The following CLEC2A variants were observed in gnomAD, a reference collection of about 807,000 sequenced individuals.
The protein encoded by CLEC2A is keratinocyte-associated C-type lectin.
Under a neutral mutation model 18.6 loss-of-function variants are expected in CLEC2A, and 19 were observed. That is an observed-to-expected ratio of 1.02 (90% CI 0.71 to 1.50). CLEC2A has a LOEUF of 1.50. CLEC2A is among the 40% of genes most tolerant of loss of function. The pLI is 0.00. For missense variants in CLEC2A, 190 were observed against 207.9 expected, an observed-to-expected ratio of 0.91 and a Z score of 0.53; for synonymous variants, 74 against 64.0, an observed-to-expected ratio of 1.16 and a Z score of -0.75.
In CLEC2A at chr12:9,903,870, G is replaced by T. The variant is rs775808847; in HGVS notation, c.411-4894C>A. Among the ~76,000 whole-genome samples the T allele has an allele frequency of 3.0e-4, 46 of 152,130 alleles. 1 individual carries two copies. Among genetic ancestry groups the T allele is most frequent in the Admixed American group, 3.3e-4 (5 of 15,280 alleles). On this transcript the variant is annotated intron_variant, in intron 4 of 4. Coordinates refer to the CLEC2A transcript ENST00000339766. ...TCCAATGGCATCTATATAAACATGA[G>T]GGTCAAAGGACCCATGAGGGACATC...
chr12:9,891,713 C>G, the CLEC2A span, among the ~76,000 whole-genome samples: 7 of 151,948 alleles, frequency 4.6e-5, no homozygotes, highest in Non-Finnish European at 8.8e-5. Flanking sequence ...CCACTCTTGC[C>G]CGGATACAGC....
At chr12:9,931,503 A>T (rs1863374853) in intron 1 of CLEC2A, among the ~76,000 whole-genome samples, 1 of 152,302 alleles carries the variant, frequency 6.6e-6, no homozygotes, top group South Asian at 2.1e-4. Context: ...TGTAGCTAGA[A>T]ATCGTATGGT....
the CLEC2A span, among the ~76,000 whole-genome samples, chr12:9,882,401 G>A: frequency 6.6e-6 from 1 of 152,062 alleles, no homozygotes; most frequent in Non-Finnish European, 1.5e-5. Context: ...TCTTTTTTGT[G>A]TTTCAATATC....
chr12:9,911,209 G>A (rs528764824), downstream of CLEC2A, among the ~76,000 whole-genome samples: 2 of 152,252 alleles, frequency 1.3e-5, no homozygotes, highest in African/African-American at 4.8e-5. Context: ...GGCCACCTGT[G>A]GAGAATAAGG....
At chr12:9,923,258 A>G (rs1299847589) in intron 2 of CLEC2A, among the ~76,000 whole-genome samples, 1 of 152,220 alleles carries the variant, frequency 6.6e-6, no homozygotes, top group African/African-American at 2.4e-5. Flanking sequence ...CCCATCAAAA[A>G]GTGGGTGAAG....
At chr12:9,893,014 CT>C in the CLEC2A span, 1 of 1,532,692 alleles carries the variant, frequency 6.5e-7, no homozygotes, top group Non-Finnish European at 8.7e-7. Flanking sequence ...CTATGTTTTC[CT>C]TTAGGACACA....
chr12:9,882,131 A>G, the CLEC2A span, among the ~76,000 whole-genome samples: 3 of 152,290 alleles, frequency 2.0e-5, no homozygotes, highest in Admixed American at 1.3e-4. Flanking sequence ...AAAAACATTA[A>G]TCTTTGCTCC....
chr12:9,925,389 T>A (rs1482634392), intron 2 of CLEC2A, among the ~76,000 whole-genome samples: 1 of 152,218 alleles, frequency 6.6e-6, no homozygotes, highest in Non-Finnish European at 1.5e-5. Flanking sequence ...TCAAGCTGCA[T>A]GGTTTTTAAA....
intron 3 of CLEC2A, among the ~76,000 whole-genome samples, chr12:9,919,367 G>T (rs1171130244): frequency 6.6e-6 from 1 of 152,204 alleles, no homozygotes; most frequent in Non-Finnish European, 1.5e-5. Context: ...CAAGCTGGAG[G>T]TTCCATGTCT....
downstream of CLEC2A, chr12:9,895,959 AG>A: frequency 1.2e-5 from 11 of 880,016 alleles, no homozygotes; most frequent in Non-Finnish European, 1.6e-5. Context: ...ATAGGAGAAA[AG>A]TATTTTATCC....
chr12:9,925,990 C>T (rs1863265305), intron 2 of CLEC2A, among the ~76,000 whole-genome samples: 1 of 152,186 alleles, frequency 6.6e-6, no homozygotes, highest in South Asian at 2.1e-4. Flanking sequence ...TTGCTGTTGC[C>T]ATCTGGTGGT....
the CLEC2A span, among the ~76,000 whole-genome samples, chr12:9,882,828 T>C: frequency 2.0e-5 from 3 of 152,220 alleles, no homozygotes; most frequent in East Asian, 5.8e-4. Context: ...ACAGACTAAA[T>C]GTATGGCTCT....
At chr12:9,887,832 G>A in the CLEC2A span, among the ~76,000 whole-genome samples, 24 of 150,952 alleles carry the variant, frequency 1.6e-4, no homozygotes, top group South Asian at 1.7e-3. Context: ...CAGGTGGAGC[G>A]CTTGAGCCCA....
chr12:9,904,763 G>A (rs569980757), intron 4 of CLEC2A, among the ~76,000 whole-genome samples: 2 of 152,256 alleles, frequency 1.3e-5, no homozygotes, highest in East Asian at 3.9e-4. Flanking sequence ...TAGCAATAAG[G>A]GGTTACACTG....
In CLEC2A at chr12:9,905,376, A is replaced by G. The variant is rs117439160; in HGVS notation, c.411-6400T>C. ...CTGGTGCTGATGTGCAGGGAACACC[A>G]AGGGTGGCGTCTGTGCTAATAGGCC... On this transcript the variant is annotated intron_variant, in intron 4 of 4. Transcript: ENST00000339766. Among the ~76,000 whole-genome samples the G allele has an allele frequency of 5.7e-3, 873 of 152,316 alleles. 12 individuals carry two copies. Among genetic ancestry groups the G allele is most frequent in the East Asian group, 0.05 (259 of 5,186 alleles).
Position 9,913,616 on chromosome 12 carries a change from C to T in CLEC2A, c.475G>A (p.Gly159Arg). ...LSADGVHSSRGFIDIKWICSK... is the reference protein window; with the variant it reads ...LSADGVHSSRRFIDIKWICSK... ...CAAATCCACTTGATATCAATAAATC[C>T]TCTGGAACTATGGACTCCATCAGCA... The change falls in exon 5 of 5, where the codon GGA becomes AGA. Residue 159 changes from glycine (G) to arginine (R), a missense_variant. By Grantham distance (125) the Gly-to-Arg change is moderately radical. Coordinates refer to ENST00000455827, the MANE Select transcript of CLEC2A (RefSeq NM_001130711.2). 1 of 1,549,856 alleles carries T rather than the reference C, an allele frequency of 6.5e-7. No individual in the cohort carries two copies. Among genetic ancestry groups the T allele is most frequent in the Non-Finnish European group, 8.7e-7 (1 of 1,146,778 alleles).
the CLEC2A span, among the ~76,000 whole-genome samples, chr12:9,887,456 T>A: frequency 6.6e-6 from 1 of 152,234 alleles, no homozygotes; most frequent in African/African-American, 2.4e-5. Flanking sequence ...TTATGAGCAA[T>A]CTTGATTTTA....
At chr12:9,882,252 TACCAG>T in the CLEC2A span, among the ~76,000 whole-genome samples, 15,552 of 152,080 alleles carry the variant, frequency 0.1, 1,131 homozygotes, top group East Asian at 0.33. Context: ...AATTCAGAAT[TACCAG>T]TCGCAGTGGC....
At chr12:9,904,031 C>A (rs143872478) in intron 4 of CLEC2A, among the ~76,000 whole-genome samples, 1 of 152,326 alleles carries the variant, frequency 6.6e-6, no homozygotes, top group East Asian at 1.9e-4. Context: ...TGGTCCGTCA[C>A]AATACTACCA....
Sources: gnomAD v4.1 joint callset for allele counts (sites outside exome capture counted in the v4.1 genomes callset) on GRCh38, gnomAD v4.1.1 for gene constraint, MANE v1.5 for transcripts, NCBI Gene and HGNC (gene_info 2026-07-23, HGNC 2026-07-21) for gene names.